The following KIAA1217 variants were observed in gnomAD, a reference collection of about 807,000 sequenced individuals.
The protein encoded by KIAA1217 is sickle tail protein homolog.
KIAA1217 carries 88 observed loss-of-function variants against 163.9 expected under a neutral mutation model. The observed-to-expected ratio is 0.54, with a 90% confidence interval of 0.45 to 0.64. KIAA1217 has a LOEUF of 0.64. KIAA1217 is among the 30% of genes least tolerant of loss of function. The probability of loss-of-function intolerance (pLI) is 0.00; values close to 1 mark genes in which losing one functional copy is unlikely to be tolerated. For synonymous variants in KIAA1217, 903 were observed against 923.1 expected, an observed-to-expected ratio of 0.98 and a Z score of 0.39; for missense variants, 2,372 against 2,475.0, an observed-to-expected ratio of 0.96 and a Z score of 0.88.
chr10:24,060,311 G>C (rs1434707008), intron 2 of KIAA1217, among the ~76,000 whole-genome samples: 1 of 151,806 alleles, frequency 6.6e-6, no homozygotes, highest in Non-Finnish European at 1.5e-5. Flanking sequence ...CATAGTTTTG[G>C]TGTATTGTAT....
chr10:24,439,789 C>A (rs956906134), intron 5 of KIAA1217, among the ~76,000 whole-genome samples: 5 of 152,086 alleles, frequency 3.3e-5, no homozygotes, highest in Non-Finnish European at 7.3e-5. Flanking sequence ...CTCCCATGTC[C>A]ACTTTTAAGG....
chr10:23,745,981 C>T (rs138355494), intron 1 of KIAA1217, among the ~76,000 whole-genome samples: 68 of 152,312 alleles, frequency 4.5e-4, no homozygotes, highest in African/African-American at 1.6e-3. Flanking sequence ...TGAAGGACTA[C>T]ACTGAATGTC....
chr10:24,189,476 C>G (rs566868225), intron 2 of KIAA1217, among the ~76,000 whole-genome samples: 4 of 152,276 alleles, frequency 2.6e-5, no homozygotes, highest in African/African-American at 9.6e-5. Flanking sequence ...ATCTTCCCCC[C>G]AAACACACAT....
In KIAA1217 at chr10:24,088,054, A is replaced by T. The variant is rs2061766812; in HGVS notation, c.-171+80680A>T. Among the ~76,000 whole-genome samples, 2 of 123,540 alleles carry T rather than the reference A, an allele frequency of 1.6e-5. 1 individual carries two copies. The highest frequency in any genetic ancestry group is 1.6e-4 in the Admixed American group (2 of 12,610). 81.0% of individuals were successfully genotyped at this position (123,540 alleles called of 152,430 possible). On this transcript the variant is annotated intron_variant, in intron 2 of 18. Transcript: ENST00000376462. ...TCTCTGGGCTTACTGGGCCATTCCC[A>T]TTCCACATCTCACAGTGGTCCTACA... is the stretch of plus-strand genomic sequence containing the variant.
intron 6 of KIAA1217, among the ~76,000 whole-genome samples, chr10:24,492,035 C>T (rs1394252427): frequency 6.6e-6 from 1 of 152,126 alleles, no homozygotes; most frequent in Non-Finnish European, 1.5e-5. Context: ...TCTGCTCTTA[C>T]TGTCATTCAT....
intron 2 of KIAA1217, among the ~76,000 whole-genome samples, chr10:24,067,610 A>C (rs1163216096): frequency 1.3e-5 from 2 of 152,074 alleles, no homozygotes. Flanking sequence ...TTGAGGAGGC[A>C]GTCTGTCCGT....
chr10:24,105,617 C>G (rs1564707021), intron 2 of KIAA1217, among the ~76,000 whole-genome samples: 1 of 152,192 alleles, frequency 6.6e-6, no homozygotes, highest in Non-Finnish European at 1.5e-5. Context: ...GGCTGCAGTT[C>G]TGCTGTCTCC....
At chr10:24,521,085 C>A (rs1174977856) in intron 11 of KIAA1217, among the ~76,000 whole-genome samples, 1 of 140,716 alleles carries the variant, frequency 7.1e-6, no homozygotes, top group Non-Finnish European at 1.5e-5. Context: ...GTGGCTCATG[C>A]CACTTTGGGA....
At chr10:23,822,801 A>G (rs1223699191) in intron 1 of KIAA1217, among the ~76,000 whole-genome samples, 1 of 152,194 alleles carries the variant, frequency 6.6e-6, no homozygotes, top group Non-Finnish European at 1.5e-5. Context: ...TGAATCAAGT[A>G]TTTACAATAA....
intron 2 of KIAA1217, among the ~76,000 whole-genome samples, chr10:24,347,550 C>T (rs1165133479): frequency 6.6e-6 from 1 of 152,086 alleles, no homozygotes; most frequent in Non-Finnish European, 1.5e-5. Context: ...GGATTATACC[C>T]ATGGAAAAAG....
intron 6 of KIAA1217, among the ~76,000 whole-genome samples, chr10:24,489,505 T>C (rs911547421): frequency 4.6e-5 from 7 of 151,640 alleles, no homozygotes; most frequent in African/African-American, 1.7e-4. Context: ...AATTCAGGCT[T>C]AGTGACACTT....
Position 23,807,583 on chromosome 10 carries a change from G to A in KIAA1217, c.-321+112349G>A, listed in dbSNP as rs182895866. 3.3e-5 allele frequency among the ~76,000 whole-genome samples: 5 copies of A among 152,312 alleles called. No individual in the cohort carries two copies. The East Asian group carries it at 9.6e-4, about 29-fold the overall frequency. Reference sequence around the variant, plus strand: ...TCGACTTTATTCTTCAAGCAAATGGGAACCCATTGAAGGCAATGTGATCCT... The same window carrying A: ...TCGACTTTATTCTTCAAGCAAATGGAAACCCATTGAAGGCAATGTGATCCT... On this transcript the variant is annotated intron_variant, in intron 1 of 18. Transcript: ENST00000376462.
In KIAA1217 at chr10:23,912,238, A is replaced by G. The variant is rs116985381; in HGVS notation, c.-320-94987A>G. Among the ~76,000 whole-genome samples, 972 of 152,304 alleles carry G rather than the reference A, an allele frequency of 6.4e-3. 42 individuals are homozygous for G. Among genetic ancestry groups the G allele is most frequent in the East Asian group, 0.05 (257 of 5,174 alleles). ...CCTTCTAGAGCTGTTGTCTACTCAG[A>G]TTTAAATGAGCATTTAATATAGTCC... On this transcript the variant is annotated intron_variant, in intron 1 of 18. Coordinates refer to the KIAA1217 transcript ENST00000376462.
chr10:23,889,129 C>T (rs1397294998), intron 1 of KIAA1217, among the ~76,000 whole-genome samples: 1 of 151,866 alleles, frequency 6.6e-6, no homozygotes. Flanking sequence ...TAAAGCTACT[C>T]TGCATTTTCA....
At chr10:24,158,428 A>C (rs1432958458) in intron 2 of KIAA1217, 1 of 577,698 alleles carries the variant, frequency 1.7e-6, no homozygotes, top group East Asian at 4.5e-5. Context: ...GAATATCTTA[A>C]AACACATGAT....
At chr10:24,129,120 C>A (rs1012348203) in intron 2 of KIAA1217, among the ~76,000 whole-genome samples, 1 of 152,170 alleles carries the variant, frequency 6.6e-6, no homozygotes, top group Non-Finnish European at 1.5e-5. Flanking sequence ...AGGTACTAAC[C>A]TCCTACTATG....
In KIAA1217 at chr10:24,209,264, G is replaced by A; in HGVS notation, c.70+1G>A. ...TCAGCAGACAGAAGACAGATGCAGG[G>A]TAAGTAACAGACCCATTCAAAGATG... On this transcript the variant is annotated splice_donor_variant, in intron 1 of 20. Transcript: ENST00000376454. LOFTEE classifies it high-confidence loss of function. The A allele has an allele frequency of 6.2e-7, 1 of 1,611,702 alleles. No homozygotes were observed. The highest frequency in any genetic ancestry group is 8.5e-7 in the Non-Finnish European group (1 of 1,178,118).
intron 2 of KIAA1217, among the ~76,000 whole-genome samples, chr10:24,018,756 A>G (rs186811460): frequency 7.9e-5 from 12 of 152,166 alleles, no homozygotes; most frequent in African/African-American, 2.2e-4. Context: ...TAACTGCACT[A>G]TCATGTTTAT....
intron 1 of KIAA1217, among the ~76,000 whole-genome samples, chr10:23,974,780 C>T (rs535036554): frequency 1.3e-5 from 2 of 152,256 alleles, no homozygotes; most frequent in African/African-American, 4.8e-5. Context: ...CTATGTGAAA[C>T]ACCAAGTACG....
Sources: gnomAD v4.1 joint callset for allele counts (sites outside exome capture counted in the v4.1 genomes callset) on GRCh38, gnomAD v4.1.1 for gene constraint, MANE v1.5 for transcripts, NCBI Gene and HGNC (gene_info 2026-07-23, HGNC 2026-07-21) for gene names.